FRS2: variants seen among roughly 807,000 people sequenced by gnomAD.
The protein encoded by FRS2 is fibroblast growth factor receptor substrate 2.
FRS2 carries 8 observed loss-of-function variants against 43.9 expected under a neutral mutation model. The ratio of observed to expected loss-of-function variants is 0.18; its 90% CI spans 0.11 to 0.33. The LOEUF (loss-of-function observed/expected upper bound fraction) is 0.33. Ranked by LOEUF, FRS2 falls within the 10% of genes least tolerant of loss-of-function variation. FRS2 has a pLI of 1.00. For synonymous variants in FRS2, 219 were observed against 220.3 expected (o/e 0.99, Z 0.05); for missense variants, 534 against 627.6 (o/e 0.85, Z 1.59).
intron 1 of FRS2, among the ~76,000 whole-genome samples, chr12:69,511,317 A>G (rs2135574602): frequency 6.6e-6 from 1 of 152,318 alleles, no homozygotes; most frequent in African/African-American, 2.4e-5. Flanking sequence ...AATAAGACAC[A>G]GTTGTTTTCC....
At chr12:69,476,065 G>A (rs1207494096) in intron 1 of FRS2, among the ~76,000 whole-genome samples, 1 of 152,048 alleles carries the variant, frequency 6.6e-6, no homozygotes, top group Non-Finnish European at 1.5e-5. Context: ...AAAGATTATG[G>A]TTCTGTGAAA....
At chr12:69,540,056 A>T (rs1877735384) in intron 3 of FRS2, among the ~76,000 whole-genome samples, 1 of 151,960 alleles carries the variant, frequency 6.6e-6, no homozygotes, top group African/African-American at 2.4e-5. Flanking sequence ...GATTGAGACC[A>T]TCCTGGCTAA....
At chr12:69,510,244 A>G in intron 1 of FRS2, among the ~76,000 whole-genome samples, 1 of 152,192 alleles carries the variant, frequency 6.6e-6, no homozygotes, top group East Asian at 1.9e-4. Flanking sequence ...CTGTTATTCA[A>G]GTTACAATTG....
At chr12:69,485,144 C>T (rs1009907217) in intron 1 of FRS2, among the ~76,000 whole-genome samples, 1 of 149,082 alleles carries the variant, frequency 6.7e-6, no homozygotes, top group African/African-American at 2.5e-5. Context: ...CACTCTCACC[C>T]CCCTAAAACT....
At chr12:69,552,166 G>A (rs1878932869) in intron 3 of FRS2, among the ~76,000 whole-genome samples, 1 of 151,758 alleles carries the variant, frequency 6.6e-6, no homozygotes, top group African/African-American at 2.4e-5. Context: ...TCCGGGCATG[G>A]TGGTGCATGC....
intron 1 of FRS2, among the ~76,000 whole-genome samples, chr12:69,493,443 G>A (rs181538313): frequency 1.1e-3 from 169 of 152,232 alleles, no homozygotes; most frequent in African/African-American, 3.7e-3. Flanking sequence ...TTTAGCTGCC[G>A]GGCGCGATGG....
At chr12:69,529,000 A>G (rs771726153) in intron 1 of FRS2, among the ~76,000 whole-genome samples, 1 of 152,124 alleles carries the variant, frequency 6.6e-6, no homozygotes, top group African/African-American at 2.4e-5. Flanking sequence ...TAGATGAGGT[A>G]AGAGAGATGG....
intron 1 of FRS2, among the ~76,000 whole-genome samples, chr12:69,528,080 T>G (rs1382860746): frequency 6.6e-6 from 1 of 152,186 alleles, no homozygotes; most frequent in African/African-American, 2.4e-5. Flanking sequence ...TATCTTTGTT[T>G]TGGTTTTCAG....
rs1555189565 is a variant in FRS2, at chr12:69,538,197, T to TATATATATATATATATATATATA, written c.-122+6141_-122+6142insATATATATATATATATATATATA. Reference sequence around the variant, plus strand: ...AATAATAAAATTAAAAAAACAAATTTTATATATATATATATATATATATAT... The same window carrying TATATATATATATATATATATATA: ...AATAATAAAATTAAAAAAACAAATTTATATATATATATATATATATATATATATATATATATATATATATATAT... On this transcript the variant is annotated intron_variant, in intron 3 of 8. Coordinates refer to ENST00000549921, the MANE Select transcript of FRS2 (RefSeq NM_001278356.2). Among the ~76,000 whole-genome samples the TATATATATATATATATATATATA allele has an allele frequency of 6.9e-4, 56 of 81,584 alleles. 2 individuals carry two copies. The highest frequency in any genetic ancestry group is 1.2e-3 in the African/African-American group (21 of 18,136). 53.5% of individuals were successfully genotyped at this position (81,584 alleles called of 152,430 possible). A position where few individuals can be genotyped will look rare whatever the true frequency, so the allele number is the denominator to read the frequency against.
chr12:69,533,640 C>T (rs772242777), intron 3 of FRS2, among the ~76,000 whole-genome samples: 43 of 152,108 alleles, frequency 2.8e-4, no homozygotes, highest in Non-Finnish European at 5.3e-4. Context: ...TGAGCCACCA[C>T]GCCTGGCCAT....
intron 3 of FRS2, among the ~76,000 whole-genome samples, chr12:69,551,520 CAGACCATG>C (rs1197183510): frequency 2.0e-5 from 3 of 152,200 alleles, no homozygotes; most frequent in African/African-American, 7.2e-5. Context: ...TGAAGGAAAG[CAGACCATG>C]AAACCTTTAG....
chr12:69,518,696 A>G (rs1875303531), intron 1 of FRS2, among the ~76,000 whole-genome samples: 3 of 149,204 alleles, frequency 2.0e-5, no homozygotes, highest in Admixed American at 1.3e-4. Flanking sequence ...CCTAGTTGAC[A>G]AAGTGAAACC....
chr12:69,499,769 G>A (rs1873261222), intron 1 of FRS2, among the ~76,000 whole-genome samples: 1 of 127,642 alleles, frequency 7.8e-6, no homozygotes, highest in African/African-American at 3.0e-5. Flanking sequence ...ATCTAGCTAG[G>A]TTTTGATGGT....
Position 69,575,532 on chromosome 12 carries a change from G to A in FRS2, c.*577G>A, listed in dbSNP as rs1164991297. 1 of 152,714 alleles carries A rather than the reference G, an allele frequency of 6.5e-6. No individual in the cohort carries two copies. The highest frequency in any genetic ancestry group is 1.5e-5 in the Non-Finnish European group (1 of 68,248). The allele number at this position is 152,714 out of a possible 1,614,324, so 9.5% of individuals were successfully genotyped here. ...TTTGCCTTCAGTGTTACTAGAAAGC[G>A]GCCTGTGTCCATGAGTGTGCTTTGC... On this transcript the variant is annotated 3_prime_UTR_variant, in exon 9 of 9. Transcript: ENST00000549921.
chr12:69,533,437 C>T (rs545891407), intron 3 of FRS2, among the ~76,000 whole-genome samples: 57 of 152,132 alleles, frequency 3.7e-4, no homozygotes, highest in African/African-American at 1.1e-3. Flanking sequence ...ACAGCCTCCG[C>T]CTCCTGGGTT....
intron 3 of FRS2, among the ~76,000 whole-genome samples, chr12:69,545,539 T>A (rs960076322): frequency 6.6e-6 from 1 of 151,962 alleles, no homozygotes; most frequent in Non-Finnish European, 1.5e-5. Context: ...GGGTGAATCA[T>A]GAGGTCAGGA....
chr12:69,509,366 C>T (rs1394236359), intron 1 of FRS2, among the ~76,000 whole-genome samples: 1 of 152,190 alleles, frequency 6.6e-6, no homozygotes, highest in African/African-American at 2.4e-5. Context: ...TGTGTTTTGT[C>T]TTCACTGTCC....
intron 1 of FRS2, among the ~76,000 whole-genome samples, chr12:69,530,436 G>A (rs1007952304): frequency 6.6e-6 from 1 of 151,968 alleles, no homozygotes; most frequent in Non-Finnish European, 1.5e-5. Flanking sequence ...TTATGAGAAG[G>A]TTGCTCAAGA....
chr12:69,538,183 T>C (rs1268045826), intron 3 of FRS2, among the ~76,000 whole-genome samples: 2 of 89,796 alleles, frequency 2.2e-5, no homozygotes, highest in African/African-American at 1.2e-4. Flanking sequence ...ATAATAAAAT[T>C]AAAAAAACAA....
Sources: allele counts gnomAD v4.1 joint callset (sites outside exome capture counted in the v4.1 genomes callset), GRCh38; gene constraint gnomAD v4.1.1; transcripts MANE v1.5; gene names NCBI Gene and HGNC (gene_info 2026-07-23, HGNC 2026-07-21).